UMAD1: variants seen among roughly 807,000 people sequenced by gnomAD.
The protein encoded by UMAD1 is UBAP1-MVB12-associated (UMA) domain containing 1, also known as UBAP1-MVB12-associated (UMA)-domain containing protein 1.
UMAD1 carries 8 observed loss-of-function variants against 6.1 expected under a neutral mutation model. That is an observed-to-expected ratio of 1.30 (90% CI 0.76 to 2.35). The LOEUF is 2.35. Among genes scored for constraint, UMAD1 ranks in the 30% most tolerant of loss-of-function variants. The pLI, the probability that UMAD1 is intolerant of heterozygous loss-of-function variation, is 0.00. For synonymous variants in UMAD1, 56 were observed against 31.4 expected (o/e 1.78, Z -2.61); for missense variants, 130 against 78.4 (o/e 1.66, Z -2.49).
At chr7:7,799,451 T>A (rs1563215656) in intron 2 of UMAD1, among the ~76,000 whole-genome samples, 1 of 152,216 alleles carries the variant, frequency 6.6e-6, no homozygotes, top group East Asian at 1.9e-4. Context: ...GAAAGTTTTG[T>A]GTAGATACAC....
At chr7:7,687,492 C>T (rs1449570067) in intron 2 of UMAD1, among the ~76,000 whole-genome samples, 1 of 152,148 alleles carries the variant, frequency 6.6e-6, no homozygotes, top group Non-Finnish European at 1.5e-5. Context: ...ATGGTGTGCA[C>T]CCTGCCAGGG....
chr7:7,668,543 A>G (rs1465344807), intron 1 of UMAD1, among the ~76,000 whole-genome samples: 1 of 152,196 alleles, frequency 6.6e-6, no homozygotes, highest in African/African-American at 2.4e-5. Flanking sequence ...ACATACAGTA[A>G]GTTCTCACTT....
intron 2 of UMAD1, among the ~76,000 whole-genome samples, chr7:7,784,511 A>T (rs1157339225): frequency 2.4e-4 from 32 of 135,750 alleles, no homozygotes; most frequent in African/African-American, 7.1e-4. Flanking sequence ...AATTTTTTGT[A>T]TTTTTTTTTT....
At chr7:7,735,673 G>T (rs954354123) in intron 2 of UMAD1, 7 of 152,268 alleles carry the variant, frequency 4.6e-5, no homozygotes, top group African/African-American at 1.7e-4. Context: ...GCCTCCCAAA[G>T]TGGTGGGATT....
At chr7:7,649,574 G>A (rs1454760673) in intron 1 of UMAD1, among the ~76,000 whole-genome samples, 1 of 152,162 alleles carries the variant, frequency 6.6e-6, no homozygotes, top group East Asian at 1.9e-4. Context: ...CTGTTTTGTT[G>A]TTATTTTTTC....
chr7:7,765,422 T>G (rs762930118), intron 2 of UMAD1, among the ~76,000 whole-genome samples: 1 of 152,254 alleles, frequency 6.6e-6, no homozygotes. Context: ...TTTTGATTTT[T>G]GGCTACTCTT....
chr7:7,800,770 C>G (rs1173708074), intron 2 of UMAD1, among the ~76,000 whole-genome samples: 1 of 152,176 alleles, frequency 6.6e-6, no homozygotes, highest in Non-Finnish European at 1.5e-5. Flanking sequence ...TATCTCCAGT[C>G]AAGACTCATG....
chr7:7,718,216 T>G (rs1220709780), intron 2 of UMAD1, among the ~76,000 whole-genome samples: 1 of 152,208 alleles, frequency 6.6e-6, no homozygotes, highest in African/African-American at 2.4e-5. Context: ...GTAACTTGAA[T>G]GTGTTATTTT....
Position 7,742,313 on chromosome 7 carries a change from G to T in UMAD1, c.83-59357G>T, listed in dbSNP as rs892627573. 2.1e-5 allele frequency: 13 copies of T among 630,052 alleles called. No individual in the cohort carries two copies. In the African/African-American group the frequency reaches 2.3e-4, roughly 11 times the overall value. The allele number at this position is 630,052 out of a possible 1,614,324, so 39.0% of individuals were successfully genotyped here. On this transcript the variant is annotated intron_variant, in intron 2 of 3. Transcript: ENST00000682710. Reference sequence around the variant, plus strand: ...CTTCATGGCCGACTCAGTGGTCAGCGGAAATTTGATAGTGTAGTGGTTAAG... The same window carrying T: ...CTTCATGGCCGACTCAGTGGTCAGCTGAAATTTGATAGTGTAGTGGTTAAG...
intron 3 of UMAD1, among the ~76,000 whole-genome samples, chr7:7,811,708 G>A (rs189836959): frequency 5.9e-4 from 90 of 152,288 alleles, no homozygotes; most frequent in African/African-American, 2.1e-3. Context: ...ATGCGAATCT[G>A]CTGCTTAATG....
At chr7:7,716,294 GTATT>G (rs2115176844) in intron 2 of UMAD1, among the ~76,000 whole-genome samples, 1 of 152,286 alleles carries the variant, frequency 6.6e-6, no homozygotes, top group African/African-American at 2.4e-5. Context: ...AAGAAAAATT[GTATT>G]TATTCTTATA....
At chr7:7,791,710 G>A (rs982295808) in intron 2 of UMAD1, among the ~76,000 whole-genome samples, 8 of 152,152 alleles carry the variant, frequency 5.3e-5, no homozygotes, top group Non-Finnish European at 8.8e-5. Flanking sequence ...AGAGCAGACC[G>A]GTAGGACTGA....
intron 2 of UMAD1, among the ~76,000 whole-genome samples, chr7:7,685,624 A>G (rs888098445): frequency 6.6e-6 from 1 of 152,142 alleles, no homozygotes; most frequent in African/African-American, 2.4e-5. Flanking sequence ...ATCTTTATAA[A>G]TGTGAATTTC....
intron 2 of UMAD1, among the ~76,000 whole-genome samples, chr7:7,707,352 T>C (rs1474329432): frequency 6.6e-6 from 1 of 152,162 alleles, no homozygotes; most frequent in East Asian, 1.9e-4. Flanking sequence ...GTAACTACGG[T>C]ACTTTTTGCT....
intron 2 of UMAD1, among the ~76,000 whole-genome samples, chr7:7,761,177 C>G (rs1256432373): frequency 2.0e-5 from 3 of 152,004 alleles, no homozygotes; most frequent in Non-Finnish European, 4.4e-5. Flanking sequence ...TCAGCTCAGA[C>G]AACACGGTAA....
intron 2 of UMAD1, among the ~76,000 whole-genome samples, chr7:7,698,055 A>G (rs900756511): frequency 6.6e-6 from 1 of 152,184 alleles, no homozygotes; most frequent in Non-Finnish European, 1.5e-5. Context: ...GAATTTCTGC[A>G]CTTCACGTTC....
chr7:7,850,922 A>C (rs548190733), intron 3 of UMAD1, among the ~76,000 whole-genome samples: 10 of 152,176 alleles, frequency 6.6e-5, no homozygotes, highest in African/African-American at 2.2e-4. Flanking sequence ...TTTAAAATGA[A>C]TGTGGATTTA....
At chr7:7,720,760 G>T (rs914986924) in intron 2 of UMAD1, among the ~76,000 whole-genome samples, 2 of 152,174 alleles carry the variant, frequency 1.3e-5, no homozygotes, top group African/African-American at 4.8e-5. Context: ...CTTCAGTGAA[G>T]GCTAAGTGCA....
intron 1 of UMAD1, among the ~76,000 whole-genome samples, chr7:7,643,481 C>T (rs1012716459): frequency 1.3e-5 from 2 of 152,294 alleles, no homozygotes; most frequent in South Asian, 2.1e-4. Flanking sequence ...GAGGCTGAAG[C>T]GGGTGGATCA....
Sources: allele counts gnomAD v4.1 joint callset (sites outside exome capture counted in the v4.1 genomes callset), GRCh38; gene constraint gnomAD v4.1.1; transcripts MANE v1.5; gene names NCBI Gene and HGNC (gene_info 2026-07-23, HGNC 2026-07-21).